The following DYNC1I1 variants were observed in gnomAD, a reference collection of about 807,000 sequenced individuals.
DYNC1I1 encodes dynein cytoplasmic 1 intermediate chain 1, also known as cytoplasmic dynein 1 intermediate chain 1.
A neutral mutation model predicts 86.6 loss-of-function variants in DYNC1I1; 43 were observed. That is an observed-to-expected ratio of 0.50 (90% CI 0.39 to 0.64). DYNC1I1 has a LOEUF of 0.64. Among genes scored for constraint, DYNC1I1 ranks in the 30% least tolerant of loss-of-function variants. DYNC1I1 has a pLI of 0.00. For missense variants in DYNC1I1, 604 were observed against 788.8 expected (o/e 0.77, Z 2.81); for synonymous variants, 262 against 283.7 (o/e 0.92, Z 0.77).
chr7:95,966,512 C>T (rs1793016233), intron 6 of DYNC1I1, among the ~76,000 whole-genome samples: 1 of 152,126 alleles, frequency 6.6e-6, no homozygotes, highest in Non-Finnish European at 1.5e-5. Context: ...TTACAGTTCC[C>T]CTTTTCTCTT....
intron 6 of DYNC1I1, among the ~76,000 whole-genome samples, chr7:95,876,101 A>T (rs1215185160): frequency 2.6e-5 from 4 of 150,964 alleles, no homozygotes; most frequent in Non-Finnish European, 5.9e-5. Context: ...GATCTATTGC[A>T]TGGTGGTCTC....
intron 9 of DYNC1I1, among the ~76,000 whole-genome samples, chr7:95,991,302 A>G (rs1352505986): frequency 1.3e-5 from 2 of 152,198 alleles, no homozygotes; most frequent in East Asian, 1.9e-4. Context: ...TCCTAGCCAC[A>G]TATTAATACT....
chr7:95,881,767 T>C (rs1790461229), intron 6 of DYNC1I1, among the ~76,000 whole-genome samples: 1 of 152,232 alleles, frequency 6.6e-6, no homozygotes, highest in Non-Finnish European at 1.5e-5. Flanking sequence ...TTCTCTAGTG[T>C]CATATGGCAG....
intron 14 of DYNC1I1, among the ~76,000 whole-genome samples, chr7:96,074,550 CAAAAAAAAA>C (rs61571160): frequency 1.5e-5 from 1 of 66,950 alleles, no homozygotes; most frequent in African/African-American, 5.2e-5. Flanking sequence ...GACTCCGTCT[CAAAAAAAAA>C]AAAAAAAAAA....
At chr7:96,035,598 A>C (rs770615145) in intron 12 of DYNC1I1, 21 bp from the exon 13 acceptor site, 10 of 1,561,084 alleles carry the variant, frequency 6.4e-6, no homozygotes, top group South Asian at 1.2e-5. Context: ...ATGGAAATGT[A>C]ACCACACCGT....
chr7:95,784,210 T>A (rs1562890844), intron 1 of DYNC1I1, among the ~76,000 whole-genome samples: 1 of 152,140 alleles, frequency 6.6e-6, no homozygotes. Flanking sequence ...ATAGATCTGG[T>A]AATTCAGGTC....
intron 5 of DYNC1I1, among the ~76,000 whole-genome samples, chr7:95,837,088 T>C (rs1789117191): frequency 1.3e-5 from 2 of 150,884 alleles, no homozygotes; most frequent in South Asian, 2.1e-4. Context: ...TTTTTCCCCA[T>C]CTTTGTGGTT....
At chr7:96,059,927 A>G (rs1789712624) in intron 14 of DYNC1I1, among the ~76,000 whole-genome samples, 1 of 152,204 alleles carries the variant, frequency 6.6e-6, no homozygotes, top group Non-Finnish European at 1.5e-5. Context: ...TTGGCCTACT[A>G]AGTGGCTTAG....
chr7:95,992,544 A>T (rs901494810), intron 9 of DYNC1I1, among the ~76,000 whole-genome samples: 2 of 152,142 alleles, frequency 1.3e-5, no homozygotes, highest in Admixed American at 1.3e-4. Context: ...GGTTATGAGG[A>T]CCAAATGAAT....
chr7:95,836,360 T>A (rs1363461109), intron 5 of DYNC1I1, among the ~76,000 whole-genome samples: 2 of 152,086 alleles, frequency 1.3e-5, no homozygotes, highest in East Asian at 3.9e-4. Context: ...TGGGCTTCCC[T>A]TTGAGGGTAA....
chr7:96,031,514 G>C (rs540937987), intron 11 of DYNC1I1, among the ~76,000 whole-genome samples: 2 of 152,252 alleles, frequency 1.3e-5, no homozygotes, highest in Admixed American at 1.3e-4. Context: ...ACGAAAACTG[G>C]CTGCCCTTTA....
At chr7:96,009,299 A>G (rs982751980) in intron 10 of DYNC1I1, among the ~76,000 whole-genome samples, 3 of 152,124 alleles carry the variant, frequency 2.0e-5, no homozygotes, top group Non-Finnish European at 1.5e-5. Context: ...TGACTCCAGC[A>G]CTCAAGCCCC....
intron 6 of DYNC1I1, among the ~76,000 whole-genome samples, chr7:95,919,026 TC>T (rs796835747): frequency 5.6e-4 from 86 of 152,256 alleles, no homozygotes; most frequent in African/African-American, 1.9e-3. Flanking sequence ...AAGAAGTTGT[TC>T]CTTTTGTACA....
chr7:96,017,006 C>CATA (rs1794418638), intron 10 of DYNC1I1, among the ~76,000 whole-genome samples: 1 of 152,086 alleles, frequency 6.6e-6, no homozygotes, highest in South Asian at 2.1e-4. Context: ...AAACTGGAGA[C>CATA]ATTCACAAGT....
chr7:96,080,872 C>T (rs1268679759), intron 16 of DYNC1I1, among the ~76,000 whole-genome samples: 1 of 151,900 alleles, frequency 6.6e-6, no homozygotes, highest in African/African-American at 2.4e-5. Flanking sequence ...GAGTTCGAGA[C>T]CAGGCTGGCC....
chr7:95,900,310 A>G (rs1352223423), intron 6 of DYNC1I1, among the ~76,000 whole-genome samples: 1 of 152,134 alleles, frequency 6.6e-6, no homozygotes, highest in Non-Finnish European at 1.5e-5. Context: ...AAAACAACCC[A>G]TACAAGAGTT....
intron 6 of DYNC1I1, among the ~76,000 whole-genome samples, chr7:95,961,994 G>T (rs1271032119): frequency 6.6e-6 from 1 of 152,156 alleles, no homozygotes; most frequent in Admixed American, 6.6e-5. Flanking sequence ...GCCCAGGTTG[G>T]CTGAACCCAC....
intron 6 of DYNC1I1, among the ~76,000 whole-genome samples, chr7:95,943,993 G>A (rs1365166067): frequency 1.3e-5 from 2 of 152,082 alleles, no homozygotes; most frequent in Admixed American, 1.3e-4. Context: ...AACACCAAAA[G>A]CAATGGCAAC....
chr7:95,932,878 A>AT (rs1170891296), intron 6 of DYNC1I1, among the ~76,000 whole-genome samples: 15 of 98,002 alleles, frequency 1.5e-4, no homozygotes, highest in African/African-American at 4.7e-4. Flanking sequence ...TTTATTTTTT[A>AT]ATTTTTTTTT....
Sources: gnomAD v4.1 joint callset for allele counts (sites outside exome capture counted in the v4.1 genomes callset) on GRCh38, gnomAD v4.1.1 for gene constraint, MANE v1.5 for transcripts, NCBI Gene and HGNC (gene_info 2026-07-23, HGNC 2026-07-21) for gene names.